RHBDF2: variants seen among roughly 807,000 people sequenced by gnomAD.
RHBDF2 encodes the protein inactive rhomboid protein 2.
In RHBDF2, 38 loss-of-function variants were observed where a neutral mutation model predicts 95.2. That is an observed-to-expected ratio of 0.40 (90% CI 0.31 to 0.52). The LOEUF is 0.52. Ranked by LOEUF, RHBDF2 falls within the 20% of genes least tolerant of loss-of-function variation. RHBDF2 has a pLI of 0.56. For missense variants in RHBDF2, 863 were observed against 1,137.7 expected (o/e 0.76, Z 3.47); for synonymous variants, 442 against 462.0 (o/e 0.96, Z 0.55).
chr17:76,473,724 T>C lies in RHBDF2; in HGVS notation c.1657A>G (p.Arg553Gly), dbSNP rs143001224. The C allele has an allele frequency of 1.2e-6, 2 of 1,611,808 alleles. No homozygotes were observed. The highest frequency in any genetic ancestry group is 4.5e-5 in the East Asian group (2 of 44,808). The change falls in exon 15 of 19, where the codon AGG (arginine) becomes GGG (glycine). Residue 553 changes from arginine (R) to glycine (G), a missense_variant. Coordinates refer to ENST00000675367, the MANE Select transcript of RHBDF2 (RefSeq NM_001005498.4). ...TGCAGGAAGCCTGTGTGGTTGCTCCTGGCCTGCTCTGTGCAGATCTGCCAG... is the reference window on the plus strand; with the variant it reads ...TGCAGGAAGCCTGTGTGGTTGCTCCCGGCCTGCTCTGTGCAGATCTGCCAG... ...TKWPICTEQARSNHTGFLHMD... is the reference protein window; with the variant it reads ...TKWPICTEQAGSNHTGFLHMD...
chr17:76,494,324 A>G (rs988970266), intron 1 of RHBDF2, among the ~76,000 whole-genome samples: 2 of 152,148 alleles, frequency 1.3e-5, no homozygotes, highest in Non-Finnish European at 2.9e-5. Flanking sequence ...CCGAAGCCCA[A>G]TGTGCAGCAG....
intron 8 of RHBDF2, 76 bp downstream of exon 8, chr17:76,477,104 G>A: frequency 6.2e-7 from 1 of 1,610,420 alleles, no homozygotes; most frequent in Non-Finnish European, 8.5e-7. Flanking sequence ...GAAGGGGCTT[G>A]GGGGCCAGGG....
In RHBDF2 at chr17:76,478,787, G is replaced by C. The variant is rs1311310531; in HGVS notation, c.672+19C>G. 6.3e-7 allele frequency: 1 copy of C among 1,599,620 alleles called. No individual in the cohort carries two copies. The highest frequency in any genetic ancestry group is 1.7e-5 in the Admixed American group (1 of 59,008). On this transcript the variant is annotated intron_variant, in intron 6 of 18. Transcript: ENST00000675367. ...GAGGCCGGGCAGAGGTGGGGGCCCTGCAGGAGGGAGCCCCGCACCTTGAGG... is the reference window on the plus strand; with the variant it reads ...GAGGCCGGGCAGAGGTGGGGGCCCTCCAGGAGGGAGCCCCGCACCTTGAGG...
At chr17:76,485,469 C>T (rs2074099236) in intron 2 of RHBDF2, among the ~76,000 whole-genome samples, 2 of 149,962 alleles carry the variant, frequency 1.3e-5, no homozygotes, top group Admixed American at 6.7e-5. Context: ...GTAGTCCCAG[C>T]TATTCGGGAG....
intron 2 of RHBDF2, among the ~76,000 whole-genome samples, chr17:76,485,147 C>A (rs1384135418): frequency 6.6e-6 from 1 of 152,106 alleles, no homozygotes; most frequent in Admixed American, 6.6e-5. Flanking sequence ...GTGGCTCATG[C>A]CTGTAATCCC....
rs1305620209 is a variant in RHBDF2 at position 76,501,379 on chromosome 17, C to G, written c.-246G>C. The G allele has an allele frequency of 6.6e-6, 1 of 152,178 alleles. No individual in the cohort carries two copies. Among genetic ancestry groups the G allele is most frequent in the Non-Finnish European group, 1.5e-5 (1 of 68,094 alleles). The allele number at this position is 152,178 out of a possible 1,614,324, so 9.4% of individuals were successfully genotyped here. A position where few individuals can be genotyped will look rare whatever the true frequency, so the allele number is the denominator to read the frequency against. ...TCCCTGCGGCCCCAAGTCCCCGGGA[C>G]GCAACTCCGTGCGGCGCCTGCGAGC... On this transcript the variant is annotated 5_prime_UTR_variant, in exon 1 of 19. Transcript: ENST00000675367.
At chr17:76,472,590 G>A (rs1405323727) in intron 18 of RHBDF2, 96 bp downstream of exon 18, 2 of 1,486,026 alleles carry the variant, frequency 1.3e-6, no homozygotes, top group Non-Finnish European at 1.9e-6. Flanking sequence ...TACAGGAGGG[G>A]CACCGTGTCC....
At chr17:76,499,592 C>A (rs1486634425) in intron 1 of RHBDF2, among the ~76,000 whole-genome samples, 2 of 152,180 alleles carry the variant, frequency 1.3e-5, no homozygotes, top group African/African-American at 4.8e-5. Flanking sequence ...CTCTTTATTG[C>A]AGGACAAAAG....
rs572272348 is a variant in RHBDF2, at chr17:76,486,671, G to A, written c.-22+1041C>T. On this transcript the variant is annotated intron_variant, in intron 2 of 18. Transcript: ENST00000675367. The stretch of plus-strand genomic sequence containing the variant: ...CGAGGCTGCAGTGAACCGTGATCGC[G>A]CCACTGTACTCCAGCCTGGGTAACA... 2.7e-5 allele frequency among the ~76,000 whole-genome samples: 4 copies of A among 150,166 alleles called. 1 individual carries two copies. The South Asian group carries it at 6.3e-4, about 24-fold the overall frequency.
intron 9 of RHBDF2, 123 bp downstream of exon 9, chr17:76,476,707 A>G: frequency 7.1e-7 from 1 of 1,399,146 alleles, no homozygotes; most frequent in East Asian, 2.5e-5. Context: ...TTGTCACTAC[A>G]CTCCTGATCC....
At chr17:76,481,340 G>T (rs142897910) in intron 3 of RHBDF2, 35 bp downstream of exon 3, 3 of 1,591,738 alleles carry the variant, frequency 1.9e-6, no homozygotes, top group South Asian at 2.2e-5. Flanking sequence ...TGTTACCTAC[G>T]GCAGAACAGT....
intron 1 of RHBDF2, among the ~76,000 whole-genome samples, chr17:76,489,109 G>C (rs113123036): frequency 1.8e-4 from 28 of 152,190 alleles, no homozygotes; most frequent in African/African-American, 6.5e-4. Flanking sequence ...CTGGGTGACA[G>C]AGCAAGACTC....
At position 76,471,555 on chromosome 17, in the gene RHBDF2, A is replaced by G. The variant is rs2144011436; in HGVS notation, c.*78T>C. On this transcript the variant is annotated 3_prime_UTR_variant, in exon 19 of 19. Transcript: ENST00000675367. ...GGGTCTCTGGCTCTCTGGCACACAG[A>G]GAGCGCTCTGCAGAGGGCAGCCCTC... The G allele has an allele frequency of 7.0e-7, 1 of 1,421,484 alleles. No homozygotes were observed. The highest frequency in any genetic ancestry group is 9.4e-7 in the Non-Finnish European group (1 of 1,067,986). 88.1% of individuals were successfully genotyped at this position (1,421,484 alleles called of 1,614,324 possible). A position where few individuals can be genotyped will look rare whatever the true frequency, so the allele number is the denominator to read the frequency against.
rs116260381 is a variant in RHBDF2 at position 76,486,867 on chromosome 17, G to C, written c.-22+845C>G. 8.5e-3 allele frequency among the ~76,000 whole-genome samples: 1,295 copies of C among 151,968 alleles called. 20 individuals carry two copies. The highest frequency in any genetic ancestry group is 0.03 in the African/African-American group (1,229 of 41,434). ...GTCCCAGACCATCACACAGAGGAGG[G>C]GCTGGCTCTTCTCAGCCTCCTGGTT... On this transcript the variant is annotated intron_variant, in intron 2 of 18. Transcript: ENST00000675367.
chr17:76,491,819 G>A (rs1241808862), intron 1 of RHBDF2, among the ~76,000 whole-genome samples: 3 of 152,182 alleles, frequency 2.0e-5, no homozygotes, highest in Non-Finnish European at 2.9e-5. Flanking sequence ...ACCCACTCTG[G>A]CCTTCCTCAT....
Position 76,477,670 on chromosome 17 carries a change from G to A in RHBDF2, c.788C>T (p.Ser263Phe), listed in dbSNP as rs116968311. The A allele has an allele frequency of 2.5e-3, 3,972 of 1,613,984 alleles. 147 individuals carry two copies. In the Admixed American group the frequency reaches 0.062, roughly 25 times the overall value. The change falls in exon 7 of 19, where the codon TCC (serine) becomes TTC (phenylalanine). Residue 263 changes from serine (S) to phenylalanine (F), a missense_variant. Transcript: ENST00000675367. ...VVDGADTFDS[S>F]FFSKEEMSSM... Reference sequence around the variant, plus strand: ...CCCCATGCTTGCCTTACTAAAAAAGGAGGAGTCAAACGTGTCTGCCCCATC... The same window carrying A: ...CCCCATGCTTGCCTTACTAAAAAAGAAGGAGTCAAACGTGTCTGCCCCATC...
At chr17:76,482,279 G>C (rs747265567) in intron 2 of RHBDF2, among the ~76,000 whole-genome samples, 38 of 151,578 alleles carry the variant, frequency 2.5e-4, no homozygotes, top group Middle Eastern at 3.4e-3. Flanking sequence ...CGAGAGATGA[G>C]AAACCTACTG....
intron 2 of RHBDF2, among the ~76,000 whole-genome samples, chr17:76,482,690 T>G (rs2074006902): frequency 6.6e-6 from 1 of 151,964 alleles, no homozygotes; most frequent in African/African-American, 2.4e-5. Flanking sequence ...CGAGAATTGC[T>G]TGAACCCAGG....
intron 4 of RHBDF2, 41 bp downstream of exon 4, chr17:76,479,692 G>T: frequency 1.3e-6 from 2 of 1,483,562 alleles, no homozygotes; most frequent in Non-Finnish European, 1.9e-6. Context: ...TCCACAGGTT[G>T]CTGGGTGGGG....
Sources: allele counts gnomAD v4.1 joint callset (sites outside exome capture counted in the v4.1 genomes callset), GRCh38; gene constraint gnomAD v4.1.1; transcripts MANE v1.5; gene names NCBI Gene and HGNC (gene_info 2026-07-23, HGNC 2026-07-21).